Variants in FLRT2 observed in about 807,000 individuals in gnomAD.
FLRT2 encodes the protein fibronectin leucine rich transmembrane protein 2.
Under a neutral mutation model 40.0 loss-of-function variants are expected in FLRT2, and 15 were observed. That is an observed-to-expected ratio of 0.38 (90% CI 0.25 to 0.58). FLRT2 has a LOEUF of 0.58. Among genes scored for constraint, FLRT2 ranks in the 20% least tolerant of loss-of-function variants. FLRT2 has a pLI of 0.71. For missense variants in FLRT2, 726 were observed against 840.0 expected (o/e 0.86, Z 1.68); for synonymous variants, 380 against 336.8 (o/e 1.13, Z -1.41).
In FLRT2 at chr14:85,634,915, T is replaced by A. The variant is rs533875040; in HGVS notation, c.*11418T>A. On this transcript the variant is annotated 3_prime_UTR_variant, in exon 2 of 2. Transcript: ENST00000330753. ...AATTTAGTTGATCTCCCAAGTTACT[T>A]TGGACCTTAAATTCTGTTTTATGGT... The A allele has an allele frequency of 6.6e-6, 1 of 152,320 alleles. No homozygotes were observed. Among genetic ancestry groups the A allele is most frequent in the Middle Eastern group, 3.4e-3 (1 of 294 alleles). 9.4% of individuals were successfully genotyped at this position (152,320 alleles called of 1,614,324 possible). A position where few individuals can be genotyped will look rare whatever the true frequency, so the allele number is the denominator to read the frequency against.
At chr14:85,573,829 A>G (rs1891005471) in intron 1 of FLRT2, among the ~76,000 whole-genome samples, 1 of 152,252 alleles carries the variant, frequency 6.6e-6, no homozygotes, top group South Asian at 2.1e-4. Flanking sequence ...GACATTCTCA[A>G]GTAAACCCTG....
chr14:85,564,091 G>A (rs1047068357), intron 1 of FLRT2, among the ~76,000 whole-genome samples: 9 of 152,146 alleles, frequency 5.9e-5, no homozygotes, highest in African/African-American at 1.4e-4. Context: ...TGGACAGAGC[G>A]TTTTGCTTTT....
At chr14:85,559,409 G>A (rs1890170505) in intron 1 of FLRT2, 1 of 152,156 alleles carries the variant, frequency 6.6e-6, no homozygotes. Flanking sequence ...AAGGAATACT[G>A]GATGCAGTAA....
intron 1 of FLRT2, among the ~76,000 whole-genome samples, chr14:85,578,772 A>G (rs1891249125): frequency 6.6e-6 from 1 of 152,196 alleles, no homozygotes; most frequent in Admixed American, 6.5e-5. Context: ...ATAAATGCAC[A>G]CACAAAAAAA....
intron 1 of FLRT2, among the ~76,000 whole-genome samples, chr14:85,557,106 C>T (rs1290837002): frequency 6.6e-6 from 1 of 152,088 alleles, no homozygotes; most frequent in Non-Finnish European, 1.5e-5. Context: ...CCTCCCACAA[C>T]ACATGGGAAT....
chr14:85,545,849 C>T (rs1201302539), intron 1 of FLRT2, among the ~76,000 whole-genome samples: 3 of 152,166 alleles, frequency 2.0e-5, no homozygotes, highest in African/African-American at 7.2e-5. Context: ...TTGAGATTCA[C>T]CTCTTTTTCC....
At chr14:85,616,767 T>C (rs2139361814) in intron 1 of FLRT2, among the ~76,000 whole-genome samples, 1 of 152,320 alleles carries the variant, frequency 6.6e-6, no homozygotes, top group Non-Finnish European at 1.5e-5. Flanking sequence ...CCTAATTCCC[T>C]GCCTACTCAT....
chr14:85,630,285 CTTTTTTTTTTT>C lies in FLRT2; in HGVS notation c.*6800_*6810del, dbSNP rs781639291. The C allele has an allele frequency of 1.4e-4, 13 of 93,458 alleles. No homozygotes were observed. The highest frequency in any genetic ancestry group is 5.0e-4 in the African/African-American group (12 of 24,036). The allele number at this position is 93,458 out of a possible 1,614,324, so 5.8% of individuals were successfully genotyped here. On this transcript the variant is annotated 3_prime_UTR_variant, in exon 2 of 2. Coordinates refer to ENST00000330753, the MANE Select transcript of FLRT2 (RefSeq NM_013231.6). ...CATACCAATGGGTGATCATATCTGT[CTTTTTTTTTTT>C]TTTTTTTTTTTGGTATGAAGTCTAA...
At position 85,652,491 on chromosome 14, in the gene FLRT2, T is replaced by C. The variant is rs1894456914; in HGVS notation, c.*28994T>C. ...GAAAATTCTTTTTTGAGAATTTTTT[T>C]CTTATAACGTTCTTCATCTGATTAA... On this transcript the variant is annotated 3_prime_UTR_variant, in exon 2 of 2. Transcript: ENST00000330753. 6.6e-6 allele frequency: 1 copy of C among 151,960 alleles called. No homozygotes were observed. The highest frequency in any genetic ancestry group is 6.6e-5 in the Admixed American group (1 of 15,230). The allele number at this position is 151,960 out of a possible 1,614,324, so 9.4% of individuals were successfully genotyped here.
intron 1 of FLRT2, among the ~76,000 whole-genome samples, chr14:85,557,452 G>T (rs1175113720): frequency 6.6e-6 from 1 of 151,978 alleles, no homozygotes. Context: ...TATGAATGGG[G>T]CACCTAGATT....
intron 1 of FLRT2, among the ~76,000 whole-genome samples, chr14:85,570,464 G>A (rs1445411310): frequency 6.6e-6 from 1 of 151,946 alleles, no homozygotes; most frequent in Non-Finnish European, 1.5e-5. Flanking sequence ...GTGTGCTTCA[G>A]TTTGTACAGT....
chr14:85,545,477 A>T (rs946091349), intron 1 of FLRT2, among the ~76,000 whole-genome samples: 4 of 152,316 alleles, frequency 2.6e-5, no homozygotes, highest in Non-Finnish European at 4.4e-5. Flanking sequence ...TTGTTTGTCC[A>T]TGGCTTAAAA....
intron 1 of FLRT2, among the ~76,000 whole-genome samples, chr14:85,541,589 T>A (rs1888988451): frequency 6.6e-6 from 1 of 152,126 alleles, no homozygotes; most frequent in South Asian, 2.1e-4. Context: ...ATTTTAGGAT[T>A]GAGATAATTC....
intron 1 of FLRT2, among the ~76,000 whole-genome samples, chr14:85,580,111 C>T (rs541780283): frequency 6.6e-6 from 1 of 152,142 alleles, no homozygotes; most frequent in African/African-American, 2.4e-5. Flanking sequence ...GTATTTGTGG[C>T]TGAAATTCCT....
chr14:85,570,500 C>T (rs944445046), intron 1 of FLRT2, among the ~76,000 whole-genome samples: 1 of 151,984 alleles, frequency 6.6e-6, no homozygotes, highest in African/African-American at 2.4e-5. Flanking sequence ...GAGTGAAGTG[C>T]ATAGTTTTAC....
At chr14:85,612,984 A>G (rs1286928522) in intron 1 of FLRT2, among the ~76,000 whole-genome samples, 1 of 152,142 alleles carries the variant, frequency 6.6e-6, no homozygotes, top group South Asian at 2.1e-4. Context: ...GTAGGGAAGT[A>G]GGCCTTGTTT....
chr14:85,558,165 C>T (rs1890092332), intron 1 of FLRT2, among the ~76,000 whole-genome samples: 2 of 152,094 alleles, frequency 1.3e-5, no homozygotes, highest in South Asian at 4.1e-4. Context: ...AATATATGTG[C>T]ATGTGCATGT....
chr14:85,533,131 G>A (rs1399750080), intron 1 of FLRT2, among the ~76,000 whole-genome samples: 1 of 152,172 alleles, frequency 6.6e-6, no homozygotes, highest in Non-Finnish European at 1.5e-5. Flanking sequence ...AGAAAAGTAG[G>A]AGGGACTCCG....
rs1283955336 is a variant in FLRT2 at position 85,644,172 on chromosome 14, A to G, written c.*20675A>G. On this transcript the variant is annotated 3_prime_UTR_variant, in exon 2 of 2. Transcript: ENST00000330753. ...TTTTTAATCTATGAAGTAGTTGGCT[A>G]TGTTTTGGAGAATATACAATTAATG... 1 of 151,968 alleles carries G rather than the reference A, an allele frequency of 6.6e-6. No individual in the cohort carries two copies. The highest frequency in any genetic ancestry group is 1.5e-5 in the Non-Finnish European group (1 of 68,034). 9.4% of individuals were successfully genotyped at this position (151,968 alleles called of 1,614,324 possible).
Sources: allele counts gnomAD v4.1 joint callset (sites outside exome capture counted in the v4.1 genomes callset), GRCh38; gene constraint gnomAD v4.1.1; transcripts MANE v1.5; gene names NCBI Gene and HGNC (gene_info 2026-07-23, HGNC 2026-07-21).